ITFG1: variants seen among roughly 807,000 people sequenced by gnomAD.
ITFG1 encodes the protein T-cell immunomodulatory protein.
ITFG1 carries 34 observed loss-of-function variants against 81.8 expected under a neutral mutation model. The observed-to-expected ratio is 0.42, with a 90% CI of 0.32 to 0.55. The LOEUF is 0.55. Ranked by LOEUF, ITFG1 falls within the 20% of genes least tolerant of loss-of-function variation. ITFG1 has a pLI of 0.17. For synonymous variants in ITFG1, 285 were observed against 270.6 expected (o/e 1.05, Z -0.52); for missense variants, 672 against 755.4 (o/e 0.89, Z 1.29).
intron 5 of ITFG1, among the ~76,000 whole-genome samples, chr16:47,441,773 A>T (rs1345405184): frequency 1.3e-5 from 2 of 152,158 alleles, no homozygotes; most frequent in Admixed American, 1.3e-4. Flanking sequence ...CTGGCACAAG[A>T]CAGGGATGCC....
chr16:47,220,446 A>G (rs1965677934), intron 13 of ITFG1, among the ~76,000 whole-genome samples: 1 of 152,234 alleles, frequency 6.6e-6, no homozygotes, highest in South Asian at 2.1e-4. Flanking sequence ...AAATGGACAG[A>G]GTGAGTCAGC....
chr16:47,454,458 TCAAGGACAC>T (rs1969427407), intron 2 of ITFG1, among the ~76,000 whole-genome samples: 1 of 152,152 alleles, frequency 6.6e-6, no homozygotes, highest in African/African-American at 2.4e-5. Flanking sequence ...AGTTCCTTTG[TCAAGGACAC>T]CAAGACATTC....
intron 7 of ITFG1, among the ~76,000 whole-genome samples, chr16:47,374,894 C>T (rs971984088): frequency 1.3e-5 from 2 of 152,238 alleles, no homozygotes; most frequent in African/African-American, 4.8e-5. Context: ...ACCAGCATCA[C>T]TTACCATATT....
At chr16:47,290,243 G>A (rs1301510814) in intron 10 of ITFG1, among the ~76,000 whole-genome samples, 2 of 152,100 alleles carry the variant, frequency 1.3e-5, no homozygotes, top group Non-Finnish European at 2.9e-5. Context: ...TCTGCCATGT[G>A]GTCTTACCCT....
intron 14 of ITFG1, among the ~76,000 whole-genome samples, chr16:47,164,442 T>G (rs1205809706): frequency 1.3e-5 from 2 of 152,220 alleles, no homozygotes; most frequent in African/African-American, 4.8e-5. Flanking sequence ...AATGACAGCC[T>G]TAGTTTTCAT....
chr16:47,293,760 C>T (rs2151556118), intron 10 of ITFG1, among the ~76,000 whole-genome samples: 1 of 151,872 alleles, frequency 6.6e-6, no homozygotes, highest in East Asian at 1.9e-4. Context: ...GAATATAAGT[C>T]CTTAATCATT....
Position 47,168,545 on chromosome 16 carries a change from G to GTT in ITFG1, c.1454-5883_1454-5882dup, listed in dbSNP as rs758632507. On this transcript the variant is annotated intron_variant, in intron 14 of 17. Coordinates refer to ENST00000320640, the MANE Select transcript of ITFG1 (RefSeq NM_030790.5). ...TGCCACTGCCTCTGGCTAATTAAAA[G>GTT]TTTTTTTTTTTTTTTTTTTTTTTCT... is the stretch of plus-strand genomic sequence containing the variant. Among the ~76,000 whole-genome samples, 391 of 117,600 alleles carry GTT rather than the reference G, an allele frequency of 3.3e-3. 3 individuals are homozygous for GTT. The highest frequency in any genetic ancestry group is 7.8e-3 in the African/African-American group (239 of 30,644). 77.2% of individuals were successfully genotyped at this position (117,600 alleles called of 152,430 possible).
chr16:47,162,527 A>G lies in ITFG1; in HGVS notation c.1578+13T>C, dbSNP rs374250253. ...ACATAGATTAATTGTAAACAAAATG[A>G]ATTTTTACTCACTTTTTCTCCAGAT... On this transcript the variant is annotated intron_variant, in intron 15 of 17. Coordinates refer to ENST00000320640, the MANE Select transcript of ITFG1 (RefSeq NM_030790.5). 17 of 1,587,248 alleles carry G rather than the reference A, an allele frequency of 1.1e-5. No homozygotes were observed. The African/African-American group carries it at 2.0e-4, about 19-fold the overall frequency.
chr16:47,453,199 A>G (rs778420519), intron 3 of ITFG1, among the ~76,000 whole-genome samples: 40 of 152,200 alleles, frequency 2.6e-4, no homozygotes, highest in Non-Finnish European at 4.8e-4. Flanking sequence ...CCCTCTGTAA[A>G]TATTTATTGA....
chr16:47,419,347 C>G (rs2151605877), intron 6 of ITFG1, among the ~76,000 whole-genome samples: 1 of 152,220 alleles, frequency 6.6e-6, no homozygotes, highest in East Asian at 1.9e-4. Flanking sequence ...TTGCTCACTG[C>G]AGCCTCAACC....
intron 14 of ITFG1, among the ~76,000 whole-genome samples, chr16:47,203,834 TAG>T (rs1965458719): frequency 6.6e-6 from 1 of 152,042 alleles, no homozygotes; most frequent in Non-Finnish European, 1.5e-5. Flanking sequence ...CTCAGATTCA[TAG>T]AGACTGAAGG....
intron 8 of ITFG1, among the ~76,000 whole-genome samples, chr16:47,353,125 G>A (rs1967989124): frequency 6.6e-6 from 1 of 151,762 alleles, no homozygotes; most frequent in Admixed American, 6.6e-5. Context: ...TGAGTTAATG[G>A]GTGCAGCACA....
At chr16:47,289,956 T>A (rs1217761543) in intron 10 of ITFG1, among the ~76,000 whole-genome samples, 1 of 152,062 alleles carries the variant, frequency 6.6e-6, no homozygotes, top group Non-Finnish European at 1.5e-5. Context: ...ATCTTTCTAG[T>A]TTTTTAATGT....
At chr16:47,278,885 G>A (rs1966424496) in intron 10 of ITFG1, among the ~76,000 whole-genome samples, 1 of 152,064 alleles carries the variant, frequency 6.6e-6, no homozygotes, top group Non-Finnish European at 1.5e-5. Context: ...CTTAAGCAAT[G>A]GTGAATACTT....
intron 8 of ITFG1, among the ~76,000 whole-genome samples, chr16:47,325,864 A>G (rs545220137): frequency 2.4e-3 from 358 of 152,178 alleles, no homozygotes; most frequent in Non-Finnish European, 4.5e-3. Context: ...TCCAGGACCA[A>G]ATGGATTCAC....
At chr16:47,179,100 G>A (rs1965066830) in intron 14 of ITFG1, among the ~76,000 whole-genome samples, 1 of 152,242 alleles carries the variant, frequency 6.6e-6, no homozygotes, top group Non-Finnish European at 1.5e-5. Context: ...AGGATGTGGA[G>A]AAATAGGAAC....
intron 5 of ITFG1, among the ~76,000 whole-genome samples, chr16:47,438,462 T>C (rs577516602): frequency 6.6e-6 from 1 of 152,120 alleles, no homozygotes; most frequent in Non-Finnish European, 1.5e-5. Context: ...ATACCTCACA[T>C]GGCCGGGTAC....
intron 6 of ITFG1, among the ~76,000 whole-genome samples, chr16:47,390,147 C>T (rs958207104): frequency 2.0e-5 from 3 of 152,176 alleles, no homozygotes; most frequent in African/African-American, 7.2e-5. Context: ...AAGACTGGAG[C>T]TCATCCATTC....
At chr16:47,209,204 A>T (rs539224425) in intron 14 of ITFG1, among the ~76,000 whole-genome samples, 2 of 152,286 alleles carry the variant, frequency 1.3e-5, no homozygotes, top group East Asian at 3.9e-4. Flanking sequence ...TGTCTACCAA[A>T]CTATATTTAC....
Sources: gnomAD v4.1 joint callset for allele counts (sites outside exome capture counted in the v4.1 genomes callset) on GRCh38, gnomAD v4.1.1 for gene constraint, MANE v1.5 for transcripts, NCBI Gene and HGNC (gene_info 2026-07-23, HGNC 2026-07-21) for gene names.